Variants in CYP19A1 observed in about 807,000 individuals in gnomAD.
CYP19A1 encodes cytochrome P450 family 19 subfamily A member 1, also known as aromatase.
CYP19A1 carries 32 observed loss-of-function variants against 44.4 expected under a neutral mutation model. The observed-to-expected ratio is 0.72, with a 90% CI of 0.54 to 0.97. The LOEUF (loss-of-function observed/expected upper bound fraction) is 0.97. CYP19A1 is among the 50% of genes least tolerant of loss of function. The pLI is 0.00. For missense variants in CYP19A1, 598 were observed against 637.8 expected (o/e 0.94, Z 0.67); for synonymous variants, 212 against 215.6 (o/e 0.98, Z 0.14).
intron 1 of CYP19A1, among the ~76,000 whole-genome samples, chr15:51,300,905 A>G (rs1364215256): frequency 1.3e-5 from 2 of 152,166 alleles, no homozygotes; most frequent in African/African-American, 2.4e-5. Context: ...TTGGACACCA[A>G]TATTATTGAA....
intron 2 of CYP19A1, chr15:51,242,312 A>C (rs1955565647): frequency 4.3e-6 from 1 of 230,436 alleles, no homozygotes; most frequent in South Asian, 6.8e-5. Context: ...GAGTGGAATA[A>C]AGAGAAGGGA....
In CYP19A1 at chr15:51,210,961, T is replaced by A. The variant is rs2030907492; in HGVS notation, c.1359A>T (p.Thr453=). The A allele has an allele frequency of 2.5e-6, 4 of 1,608,598 alleles. No homozygotes were observed. Among genetic ancestry groups the A allele is most frequent in the Non-Finnish European group, 3.4e-6 (4 of 1,174,984 alleles). Residue 453 remains threonine (T), a synonymous_variant, in exon 10 of 10, where the codon ACA becomes ACT. Transcript: ENST00000396402. ...AMVMMKAILV[T]LLRRFHVKTL... is the part of the protein sequence containing the mutation. ...TCTTCACGTGGAATCGTCTCAGAAG[T>A]GTAACGAGGATGGCTTTCATCATCA...
Position 51,247,578 on chromosome 15 carries a change from T to C in CYP19A1, c.-38-4628A>G, listed in dbSNP as rs1185367977. ...ACGTCTTCCTCCCAGGTTCCAGCGA[T>C]TCTCTTGCCTCAGTTCCCAAGTAGC... is the stretch of plus-strand genomic sequence containing the variant. On this transcript the variant is annotated intron_variant, in intron 1 of 9. Transcript: ENST00000396402. Among the ~76,000 whole-genome samples the C allele has an allele frequency of 4.6e-5, 7 of 152,296 alleles. No homozygotes were observed. In the East Asian group the frequency reaches 1.3e-3, roughly 29 times the overall value.
At chr15:51,318,214 A>C (rs1018844430) in intron 1 of CYP19A1, among the ~76,000 whole-genome samples, 1 of 131,182 alleles carries the variant, frequency 7.6e-6, no homozygotes, top group Non-Finnish European at 1.6e-5. Flanking sequence ...ACAGTCTAAA[A>C]ATGTAAAAAA....
At chr15:51,301,338 G>A (rs769682848) in intron 1 of CYP19A1, among the ~76,000 whole-genome samples, 1 of 152,192 alleles carries the variant, frequency 6.6e-6, no homozygotes, top group Non-Finnish European at 1.5e-5. Flanking sequence ...AACTGAGATA[G>A]CACAAAGCTT....
chr15:51,228,201 C>A (rs2032753150), intron 3 of CYP19A1, among the ~76,000 whole-genome samples: 1 of 152,180 alleles, frequency 6.6e-6, no homozygotes, highest in African/African-American at 2.4e-5. Context: ...CCTTACTTCT[C>A]TTTCTTCTCT....
chr15:51,330,493 CCTT>C (rs1441089393), intron 1 of CYP19A1, among the ~76,000 whole-genome samples: 4 of 152,134 alleles, frequency 2.6e-5, no homozygotes, highest in Admixed American at 1.3e-4. Flanking sequence ...TGATATGGTA[CCTT>C]CTTCTGTCGT....
intron 1 of CYP19A1, among the ~76,000 whole-genome samples, chr15:51,301,052 G>A (rs531249558): frequency 6.6e-6 from 1 of 152,318 alleles, no homozygotes; most frequent in Admixed American, 6.5e-5. Flanking sequence ...TGTCAGAAGG[G>A]AAGTCAGATC....
At chr15:51,216,557 T>C (rs549992373) in intron 6 of CYP19A1, among the ~76,000 whole-genome samples, 2 of 152,218 alleles carry the variant, frequency 1.3e-5, no homozygotes, top group Non-Finnish European at 2.9e-5. Context: ...CTGGCCCCCA[T>C]AGTCTGCTTT....
intron 4 of CYP19A1, among the ~76,000 whole-genome samples, chr15:51,227,162 T>A (rs1306966889): frequency 2.6e-5 from 4 of 152,118 alleles, no homozygotes; most frequent in Non-Finnish European, 5.9e-5. Flanking sequence ...TTGTGGTGAT[T>A]AAGAAATATA....
At chr15:51,213,893 A>C (rs1290012839) in intron 8 of CYP19A1, among the ~76,000 whole-genome samples, 2 of 152,144 alleles carry the variant, frequency 1.3e-5, no homozygotes, top group Non-Finnish European at 2.9e-5. Flanking sequence ...CACCTGGCAC[A>C]GAACCTGAGA....
At chr15:51,300,663 C>G (rs1040710745) in intron 1 of CYP19A1, among the ~76,000 whole-genome samples, 1 of 152,206 alleles carries the variant, frequency 6.6e-6, no homozygotes, top group Admixed American at 6.5e-5. Context: ...AGCAGCAGCT[C>G]CTCCTCCAAC....
intron 3 of CYP19A1, among the ~76,000 whole-genome samples, 197 bp downstream of exon 3, chr15:51,236,662 T>G: frequency 6.6e-6 from 1 of 152,246 alleles, no homozygotes; most frequent in South Asian, 2.1e-4. Flanking sequence ...GTTATTTATG[T>G]ACTGCTGGCT....
intron 2 of CYP19A1, 29 bp downstream of exon 2, chr15:51,242,738 CT>C: frequency 7.0e-7 from 1 of 1,421,704 alleles, no homozygotes; most frequent in Non-Finnish European, 1.0e-6. Context: ...AAATAATCTC[CT>C]TAGATACAGA....
chr15:51,330,594 T>C (rs1250367464), intron 1 of CYP19A1, among the ~76,000 whole-genome samples: 3 of 152,174 alleles, frequency 2.0e-5, no homozygotes, highest in Non-Finnish European at 4.4e-5. Flanking sequence ...GGGTATGTGG[T>C]GGTCAGAGGC....
At chr15:51,285,772 T>A (rs2035676625) in intron 1 of CYP19A1, among the ~76,000 whole-genome samples, 1 of 152,204 alleles carries the variant, frequency 6.6e-6, no homozygotes, top group African/African-American at 2.4e-5. Context: ...CAATAAATAG[T>A]CTGGGCTTCC....
At chr15:51,226,134 G>GCC (rs2032555812) in intron 4 of CYP19A1, among the ~76,000 whole-genome samples, 2 of 143,530 alleles carry the variant, frequency 1.4e-5, no homozygotes, top group African/African-American at 5.2e-5. Context: ...ACCTTTCCAA[G>GCC]CCGAGGTCAA....
chr15:51,250,270 G>A (rs1357926996), intron 1 of CYP19A1, among the ~76,000 whole-genome samples: 2 of 152,252 alleles, frequency 1.3e-5, no homozygotes, highest in African/African-American at 2.4e-5. Context: ...AGGCAGGACC[G>A]TGGCTTTCTC....
rs765446842 is a variant in CYP19A1 at position 51,242,904 on chromosome 15, CA to C, written c.8del (p.Leu3TrpfsTer4). 6.2e-7 allele frequency: 1 copy of C among 1,610,566 alleles called. No individual in the cohort carries two copies. Among genetic ancestry groups the C allele is most frequent in the South Asian group, 1.1e-5 (1 of 90,998 alleles). On this transcript the variant is annotated frameshift_variant, in exon 2 of 10. Coordinates refer to ENST00000396402, the MANE Select transcript of CYP19A1 (RefSeq NM_000103.4). LOFTEE classifies it high-confidence loss of function. ...TATAATGTATCGGGTTCAGCATTTC[CA>C]AAACCATCTTGTGTTCCTTGACCTC... MV[L>X]EMLNPIHYNI...
Sources: gnomAD v4.1 joint callset for allele counts (sites outside exome capture counted in the v4.1 genomes callset) on GRCh38, gnomAD v4.1.1 for gene constraint, MANE v1.5 for transcripts, NCBI Gene and HGNC (gene_info 2026-07-23, HGNC 2026-07-21) for gene names.